Variants in SPMIP2 observed in about 807,000 individuals in gnomAD.
SPMIP2 encodes sperm microtubule inner protein 2.
At chr4:158,988,490 T>A in the SPMIP2 span, among the ~76,000 whole-genome samples, 1 of 152,072 alleles carries the variant, frequency 6.6e-6, no homozygotes, top group African/African-American at 2.4e-5. Flanking sequence ...AAATCCTCAA[T>A]AAAATATTGG....
chr4:158,897,383 T>C, the SPMIP2 span, among the ~76,000 whole-genome samples: 1 of 152,342 alleles, frequency 6.6e-6, no homozygotes, highest in Middle Eastern at 3.4e-3. Flanking sequence ...GGTCAGATGG[T>C]ATTTCTAGTT....
the SPMIP2 span, among the ~76,000 whole-genome samples, chr4:159,015,145 G>T: frequency 6.4e-4 from 97 of 152,282 alleles, no homozygotes; most frequent in African/African-American, 2.2e-3. Context: ...AGCAGAATTG[G>T]AAACTCCCAG....
At chr4:159,025,263 C>T in the SPMIP2 span, among the ~76,000 whole-genome samples, 4 of 152,206 alleles carry the variant, frequency 2.6e-5, no homozygotes, top group Non-Finnish European at 5.9e-5. Flanking sequence ...CCCCTGGGTT[C>T]AAGCAATTCT....
the SPMIP2 span, among the ~76,000 whole-genome samples, chr4:158,969,862 T>C: frequency 2.0e-5 from 3 of 152,206 alleles, no homozygotes; most frequent in African/African-American, 7.2e-5. Flanking sequence ...GCAATTGCCA[T>C]GTGAGACACT....
At chr4:159,051,903 C>T in the SPMIP2 span, among the ~76,000 whole-genome samples, 8 of 152,040 alleles carry the variant, frequency 5.3e-5, no homozygotes, top group East Asian at 5.8e-4. Flanking sequence ...TCAGCTCCTG[C>T]GCTTTCATTT....
chr4:158,918,520 TG>T, the SPMIP2 span, among the ~76,000 whole-genome samples: 3 of 152,250 alleles, frequency 2.0e-5, no homozygotes, highest in Non-Finnish European at 4.4e-5. Flanking sequence ...TTCTTTAACA[TG>T]TTATACAAGT....
At chr4:158,924,460 A>C in the SPMIP2 span, among the ~76,000 whole-genome samples, 97,152 of 152,008 alleles carry the variant, frequency 0.64, 31,475 homozygotes, top group East Asian at 0.89. Flanking sequence ...GCTTACTGCA[A>C]CCTCTGCCTC....
At chr4:159,021,409 G>A in the SPMIP2 span, among the ~76,000 whole-genome samples, 1 of 152,216 alleles carries the variant, frequency 6.6e-6, no homozygotes, top group Non-Finnish European at 1.5e-5. Flanking sequence ...TGAATGAGCA[G>A]CTTCTCCATG....
the SPMIP2 span, among the ~76,000 whole-genome samples, chr4:158,945,268 T>G: frequency 5.4e-3 from 829 of 152,224 alleles, 10 homozygotes; most frequent in African/African-American, 0.019. Context: ...CCTTCCCTCC[T>G]CATCCGTGTT....
chr4:158,978,840 C>G, the SPMIP2 span, among the ~76,000 whole-genome samples: 2 of 152,064 alleles, frequency 1.3e-5, no homozygotes, highest in Non-Finnish European at 2.9e-5. Context: ...CTCTTGAATA[C>G]AGCACACCGA....
the SPMIP2 span, among the ~76,000 whole-genome samples, chr4:158,951,765 C>T: frequency 6.6e-6 from 1 of 152,148 alleles, no homozygotes; most frequent in South Asian, 2.1e-4. Flanking sequence ...TGTGTGAGTT[C>T]CTATTGCTGT....
the SPMIP2 span, chr4:159,035,185 G>A: frequency 7.7e-6 from 8 of 1,040,618 alleles, no homozygotes; most frequent in Non-Finnish European, 1.0e-5. Flanking sequence ...AGACTCTGCA[G>A]TCTTTCCTCT....
chr4:158,969,594 G>A, the SPMIP2 span, among the ~76,000 whole-genome samples: 4 of 152,274 alleles, frequency 2.6e-5, no homozygotes, highest in East Asian at 3.9e-4. Context: ...ATTTTCAGGT[G>A]TCACTCAGCA....
the SPMIP2 span, among the ~76,000 whole-genome samples, chr4:158,898,776 G>A: frequency 6.6e-6 from 1 of 152,202 alleles, no homozygotes; most frequent in African/African-American, 2.4e-5. Flanking sequence ...CATGTCATCT[G>A]CAAACAGAGA....
chr4:158,972,768 T>G, the SPMIP2 span, among the ~76,000 whole-genome samples: 1 of 152,208 alleles, frequency 6.6e-6, no homozygotes, highest in South Asian at 2.1e-4. Context: ...CATGAAGCAG[T>G]GCTAGGATGG....
At chr4:158,930,478 G>A in the SPMIP2 span, among the ~76,000 whole-genome samples, 3 of 149,770 alleles carry the variant, frequency 2.0e-5, no homozygotes, top group African/African-American at 4.9e-5. Context: ...AAAGTGCTGC[G>A]ATTACAGGCA....
At chr4:159,038,778 TG>T in the SPMIP2 span, 1 of 151,546 alleles carries the variant, frequency 6.6e-6, no homozygotes, top group African/African-American at 2.4e-5. Context: ...TTGGGGTGGG[TG>T]GTGAGGGCAT....
chr4:158,910,378 A>G, the SPMIP2 span, among the ~76,000 whole-genome samples: 1 of 151,648 alleles, frequency 6.6e-6, no homozygotes, highest in Admixed American at 6.6e-5. Flanking sequence ...GGTTCAGGCG[A>G]TTCTCCTGCC....
At chr4:158,960,919 A>G in the SPMIP2 span, among the ~76,000 whole-genome samples, 308 of 136,780 alleles carry the variant, frequency 2.3e-3, 2 homozygotes, top group South Asian at 5.2e-3. Context: ...CATTGAAATG[A>G]TCTGTTATTA....
Sources: gnomAD v4.1 joint callset for allele counts (sites outside exome capture counted in the v4.1 genomes callset) on GRCh38, gnomAD v4.1.1 for gene constraint, MANE v1.5 for transcripts, NCBI Gene and HGNC (gene_info 2026-07-23, HGNC 2026-07-21) for gene names.